TMEM40: variants seen among roughly 807,000 people sequenced by gnomAD.
The protein encoded by TMEM40 is transmembrane protein 40.
A neutral mutation model predicts 40.8 loss-of-function variants in TMEM40; 34 were observed. The observed-to-expected ratio is 0.83, with a 90% confidence interval of 0.63 to 1.11. The LOEUF (loss-of-function observed/expected upper bound fraction) is 1.11. Among genes scored for constraint, TMEM40 ranks in the 50% least tolerant of loss-of-function variants. TMEM40 has a pLI of 0.00. For missense variants in TMEM40, 296 were observed against 280.2 expected, an observed-to-expected ratio of 1.06 and a Z score of -0.40; for synonymous variants, 106 against 107.0, an observed-to-expected ratio of 0.99 and a Z score of 0.06.
At chr3:12,738,315 C>T in intron 6 of TMEM40, 147 bp from the exon 7 acceptor site, 2 of 1,044,142 alleles carry the variant, frequency 1.9e-6, no homozygotes, top group Admixed American at 2.1e-5. Flanking sequence ...CTATTGATGG[C>T]TGGTTGGTTG....
upstream of TMEM40, among the ~76,000 whole-genome samples, chr3:12,762,485 C>T (rs967826409): frequency 7.9e-5 from 12 of 152,140 alleles, no homozygotes; most frequent in African/African-American, 1.2e-4. Flanking sequence ...TTGCTCCTTT[C>T]TAATGAGACC....
At chr3:12,740,019 A>T (rs1269919201) in intron 5 of TMEM40, among the ~76,000 whole-genome samples, 1 of 147,380 alleles carries the variant, frequency 6.8e-6, no homozygotes, top group African/African-American at 2.5e-5. Flanking sequence ...TATATAATAT[A>T]TATAAATTTA....
intron 3 of TMEM40, 138 bp from the exon 4 acceptor site, chr3:12,744,127 G>A: frequency 1.3e-6 from 1 of 752,818 alleles, no homozygotes. Context: ...TTTGGGGACT[G>A]GAGGTAGGAG....
intron 1 of TMEM40, among the ~76,000 whole-genome samples, chr3:12,757,221 G>T (rs2061535841): frequency 6.6e-6 from 1 of 152,166 alleles, no homozygotes; most frequent in African/African-American, 2.4e-5. Flanking sequence ...TGTAATCCCA[G>T]CACTTTGGGA....
At chr3:12,766,077 C>A (rs1185522102) in intron 1 of TMEM40, among the ~76,000 whole-genome samples, 1 of 151,170 alleles carries the variant, frequency 6.6e-6, no homozygotes, top group South Asian at 2.1e-4. Context: ...TCAGGCTGGT[C>A]TTAAGCTCCT....
chr3:12,754,102 G>A (rs76400698), intron 1 of TMEM40, among the ~76,000 whole-genome samples: 23,965 of 152,180 alleles, frequency 0.16, 1,900 homozygotes, highest in East Asian at 0.21. Flanking sequence ...CATCAGGTCA[G>A]GAGATCGAGA....
chr3:12,764,185 A>G (rs2061584646), upstream of TMEM40, among the ~76,000 whole-genome samples: 1 of 152,190 alleles, frequency 6.6e-6, no homozygotes, highest in South Asian at 2.1e-4. Flanking sequence ...AAGTGTTGGT[A>G]TTACAGGTGT....
At chr3:12,750,025 G>A (rs964683830) in intron 1 of TMEM40, among the ~76,000 whole-genome samples, 185 bp from the exon 2 acceptor site, 10 of 152,096 alleles carry the variant, frequency 6.6e-5, no homozygotes, top group African/African-American at 2.4e-4. Context: ...AGGGAGGAGG[G>A]TTAAGGGAGT....
At position 12,767,345 on chromosome 3, in the gene TMEM40, T is replaced by TG. The variant is rs529406691; in HGVS notation, c.-9+1905dup. On this transcript the variant is annotated intron_variant, in intron 1 of 11. Transcript: ENST00000264728. ...ACAGCAGGGGGGAAAAGGCTCTCCTTGGAGAAGAGCAAGTGGGGACAACCA... is the reference window on the plus strand; with the variant it reads ...ACAGCAGGGGGGAAAAGGCTCTCCTTGGGAGAAGAGCAAGTGGGGACAACCA... Among the ~76,000 whole-genome samples, 626 of 152,168 alleles carry TG rather than the reference T, an allele frequency of 4.1e-3. 3 individuals carry two copies. The highest frequency in any genetic ancestry group is 7.1e-3 in the Non-Finnish European group (485 of 67,990).
Position 12,734,540 on chromosome 3 carries a change from C to T in TMEM40, c.*234G>A, listed in dbSNP as rs1559522192. Reference sequence around the variant, plus strand: ...TACTGTGAAGCCTCAGGCCCCACACCCACCCTCTGCCTTCCATCCTTGCAG... The same window carrying T: ...TACTGTGAAGCCTCAGGCCCCACACTCACCCTCTGCCTTCCATCCTTGCAG... On this transcript the variant is annotated 3_prime_UTR_variant, in exon 12 of 12. Coordinates refer to ENST00000314124, the MANE Select transcript of TMEM40 (RefSeq NM_018306.4). The T allele has an allele frequency of 1.8e-6, 1 of 542,260 alleles. No individual in the cohort carries two copies. The highest frequency in any genetic ancestry group is 3.1e-5 in the Admixed American group (1 of 32,186). The allele number at this position is 542,260 out of a possible 1,614,324, so 33.6% of individuals were successfully genotyped here. A position where few individuals can be genotyped will look rare whatever the true frequency, so the allele number is the denominator to read the frequency against.
At chr3:12,769,235 G>A (rs899242003) in intron 1 of TMEM40, 3 of 410,516 alleles carry the variant, frequency 7.3e-6, no homozygotes, top group Non-Finnish European at 1.5e-5. Flanking sequence ...TCCCGCCCGT[G>A]CCTTTCTCTC....
At chr3:12,736,907 C>T (rs1334132725) in intron 8 of TMEM40, 72 bp from the exon 9 acceptor site, 2 of 1,586,178 alleles carry the variant, frequency 1.3e-6, no homozygotes, top group Non-Finnish European at 1.7e-6. Flanking sequence ...GAGACAAGGT[C>T]TTGCTCTGTC....
chr3:12,764,788 C>T (rs1293751133), intron 1 of TMEM40, among the ~76,000 whole-genome samples: 6 of 152,122 alleles, frequency 3.9e-5, no homozygotes, highest in Non-Finnish European at 7.4e-5. Flanking sequence ...CTTTAAAAGG[C>T]AAGGACTAAA....
At chr3:12,768,970 C>A (rs1263149287) in intron 1 of TMEM40, among the ~76,000 whole-genome samples, 2 of 148,632 alleles carry the variant, frequency 1.3e-5, no homozygotes, top group Non-Finnish European at 3.0e-5. Flanking sequence ...CGCGGCCTGG[C>A]GAGGCACAGG....
chr3:12,736,491 A>G lies in TMEM40; in HGVS notation c.619+87T>C, dbSNP rs370970428. ...AGTGTAGATTGTGACTCTCTGGTCC[A>G]TACTTGAATGAGTATGAAAATGAAT... On this transcript the variant is annotated intron_variant, in intron 10 of 11. Coordinates refer to ENST00000314124, the MANE Select transcript of TMEM40 (RefSeq NM_018306.4). The G allele has an allele frequency of 7.4e-5, 109 of 1,480,890 alleles. 1 individual carries two copies. The East Asian group carries it at 9.6e-4, about 13-fold the overall frequency. The allele number at this position is 1,480,890 out of a possible 1,614,324, so 91.7% of individuals were successfully genotyped here. A position where few individuals can be genotyped will look rare whatever the true frequency, so the allele number is the denominator to read the frequency against.
Position 12,768,420 on chromosome 3 carries a change from A to G in TMEM40, c.-9+831T>C, listed in dbSNP as rs538337629. ...CCTGCTGATTGGTCATTTTACAGAG[A>G]GCCGATTGGTCCGTTTTGACAGGGT... is the stretch of plus-strand genomic sequence containing the variant. On this transcript the variant is annotated intron_variant, in intron 1 of 11. Transcript: ENST00000264728. 5.9e-5 allele frequency among the ~76,000 whole-genome samples: 9 copies of G among 152,214 alleles called. No individual in the cohort carries two copies. The East Asian group carries it at 1.7e-3, about 29-fold the overall frequency.
In TMEM40 at chr3:12,734,730, T is replaced by C; in HGVS notation, c.*44A>G. 6.3e-7 allele frequency: 1 copy of C among 1,577,974 alleles called. No individual in the cohort carries two copies. The highest frequency in any genetic ancestry group is 1.2e-5 in the South Asian group (1 of 86,250). The stretch of plus-strand genomic sequence containing the variant: ...CTTGTGGGCTCAGGGGTCGCAGTGG[T>C]GGTCACACTGGGGCCTGCCTCTGCT... On this transcript the variant is annotated 3_prime_UTR_variant, in exon 12 of 12. Coordinates refer to ENST00000314124, the MANE Select transcript of TMEM40 (RefSeq NM_018306.4).
chr3:12,737,495 C>G, intron 8 of TMEM40: 2 of 603,156 alleles, frequency 3.3e-6, no homozygotes, highest in Non-Finnish European at 5.8e-6. Flanking sequence ...TGTAAGGCCA[C>G]TCCCCAACCT....
intron 8 of TMEM40, chr3:12,737,378 C>G: frequency 2.6e-6 from 1 of 378,148 alleles, no homozygotes; most frequent in Non-Finnish European, 4.7e-6. Flanking sequence ...CCCTCCAGTT[C>G]CCCATCCTGG....
Sources: allele counts gnomAD v4.1 joint callset (sites outside exome capture counted in the v4.1 genomes callset), GRCh38; gene constraint gnomAD v4.1.1; transcripts MANE v1.5; gene names NCBI Gene and HGNC (gene_info 2026-07-23, HGNC 2026-07-21).